Variants in MAP3K5 observed in about 807,000 individuals in gnomAD.
MAP3K5 encodes the protein ASK-1.
Under a neutral mutation model 158.7 loss-of-function variants are expected in MAP3K5, and 56 were observed. That is an observed-to-expected ratio of 0.35 (90% CI 0.28 to 0.44). The LOEUF (loss-of-function observed/expected upper bound fraction) is 0.44. Ranked by LOEUF, MAP3K5 falls within the 20% of genes least tolerant of loss-of-function variation. The pLI, the probability that MAP3K5 is intolerant of heterozygous loss-of-function variation, is 1.00. For missense variants in MAP3K5, 1,294 were observed against 1,674.8 expected (o/e 0.77, Z 3.97); for synonymous variants, 579 against 601.7 (o/e 0.96, Z 0.55).
chr6:136,571,966 C>T (rs1774389003), intron 25 of MAP3K5, among the ~76,000 whole-genome samples: 1 of 152,160 alleles, frequency 6.6e-6, no homozygotes, highest in South Asian at 2.1e-4. Flanking sequence ...ATCTCTTATT[C>T]CAAAATCCCA....
chr6:136,595,089 T>A (rs1463323760), intron 21 of MAP3K5, among the ~76,000 whole-genome samples: 3 of 152,234 alleles, frequency 2.0e-5, no homozygotes, highest in African/African-American at 7.2e-5. Flanking sequence ...GCATGTTCTA[T>A]GTGCAGAGCC....
intron 7 of MAP3K5, among the ~76,000 whole-genome samples, chr6:136,683,141 T>C (rs1780005368): frequency 6.6e-6 from 1 of 152,220 alleles, no homozygotes; most frequent in Non-Finnish European, 1.5e-5. Flanking sequence ...CTTTAACATA[T>C]GTTGTTTCAT....
Position 136,613,658 on chromosome 6 carries a change from C to G in MAP3K5, c.2279-402G>C, listed in dbSNP as rs983346986. 3.3e-5 allele frequency among the ~76,000 whole-genome samples: 5 copies of G among 152,006 alleles called. No homozygotes were observed. Among genetic ancestry groups the G allele is most frequent in the African/African-American group, 1.2e-4 (5 of 41,384 alleles). On this transcript the variant is annotated intron_variant, in intron 16 of 29. Transcript: ENST00000359015. The surrounding 1 kb of genome is among the most constrained non-coding windows in gnomAD (Gnocchi z 4.0). ...CATTCAGTTGTAACTTCTGATTCTGCGATTATAGGCTAAATCTCTTCCGCA... is the reference window on the plus strand; with the variant it reads ...CATTCAGTTGTAACTTCTGATTCTGGGATTATAGGCTAAATCTCTTCCGCA...
intron 10 of MAP3K5, among the ~76,000 whole-genome samples, chr6:136,653,499 T>C (rs562569968): frequency 6.6e-6 from 1 of 152,286 alleles, no homozygotes; most frequent in East Asian, 1.9e-4. Flanking sequence ...GCTAAGGACA[T>C]GACAAGGTGC....
intron 1 of MAP3K5, 144 bp downstream of exon 1, chr6:136,791,566 G>T: frequency 1.2e-6 from 1 of 831,596 alleles, no homozygotes; most frequent in Non-Finnish European, 2.0e-6. Flanking sequence ...CGAGCGACAG[G>T]AGCAGTCACG....
At chr6:136,616,289 T>C (rs1394175189) in intron 15 of MAP3K5, among the ~76,000 whole-genome samples, 3 of 150,200 alleles carry the variant, frequency 2.0e-5, no homozygotes, top group Admixed American at 6.7e-5. Context: ...TGTTGGTTCA[T>C]ACCTGCTCCT....
In MAP3K5 at chr6:136,769,628, C is replaced by A. The variant is rs1438755626; in HGVS notation, c.448+22082G>T. Among the ~76,000 whole-genome samples, 3 of 150,294 alleles carry A rather than the reference C, an allele frequency of 2.0e-5. No individual in the cohort carries two copies. In the East Asian group the frequency reaches 5.9e-4, roughly 29 times the overall value. On this transcript the variant is annotated intron_variant, in intron 1 of 29. Transcript: ENST00000359015. ...GAGAGGGAAGAGGGAAGCCCACCAG[C>A]ACTGAGTATTCAATGGGCAGGCTCC... is the stretch of plus-strand genomic sequence containing the variant.
chr6:136,721,870 T>A (rs1473860852), intron 1 of MAP3K5, among the ~76,000 whole-genome samples: 1 of 152,062 alleles, frequency 6.6e-6, no homozygotes, highest in Non-Finnish European at 1.5e-5. Flanking sequence ...AATAAAAATT[T>A]TAAATTAAAA....
At chr6:136,686,174 C>A (rs1373477528) in intron 7 of MAP3K5, among the ~76,000 whole-genome samples, 1 of 152,116 alleles carries the variant, frequency 6.6e-6, no homozygotes, top group Non-Finnish European at 1.5e-5. Context: ...TCTTACATTA[C>A]TAAATAAATC....
chr6:136,732,743 A>T (rs1348754135), intron 1 of MAP3K5, among the ~76,000 whole-genome samples: 2 of 152,314 alleles, frequency 1.3e-5, no homozygotes, highest in African/African-American at 4.8e-5. Context: ...GATAGTAACA[A>T]CGCTTACAAC....
At chr6:136,686,667 T>A (rs1780162415) in intron 7 of MAP3K5, among the ~76,000 whole-genome samples, 1 of 152,112 alleles carries the variant, frequency 6.6e-6, no homozygotes, top group Non-Finnish European at 1.5e-5. Flanking sequence ...TGAACTCCCA[T>A]TCACAATTGC....
intron 25 of MAP3K5, among the ~76,000 whole-genome samples, chr6:136,577,175 G>T (rs111366834): frequency 3.3e-5 from 5 of 152,094 alleles, no homozygotes; most frequent in African/African-American, 1.2e-4. Flanking sequence ...CATCTGAAAG[G>T]AATTTTTATC....
chr6:136,619,597 T>C (rs1168002029), intron 15 of MAP3K5, among the ~76,000 whole-genome samples: 1 of 152,092 alleles, frequency 6.6e-6, no homozygotes, highest in African/African-American at 2.4e-5. Context: ...GACACATCAT[T>C]ATCACTACAT....
At chr6:136,557,951 T>C (rs1830322157) in intron 29 of MAP3K5, 133 bp from the exon 30 acceptor site, 1 of 648,408 alleles carries the variant, frequency 1.5e-6, no homozygotes, top group South Asian at 1.8e-5. Context: ...AGTTATTATG[T>C]ATTCTTTTTG....
chr6:136,582,539 C>T (rs1034610254), intron 24 of MAP3K5, among the ~76,000 whole-genome samples: 1 of 152,104 alleles, frequency 6.6e-6, no homozygotes, highest in Non-Finnish European at 1.5e-5. Flanking sequence ...ATTTCTTATG[C>T]CCTCAATCAA....
chr6:136,631,476 G>T (rs1243467460), intron 14 of MAP3K5, among the ~76,000 whole-genome samples: 1 of 151,572 alleles, frequency 6.6e-6, no homozygotes, highest in African/African-American at 2.4e-5. Context: ...CCATCTTCCT[G>T]CAGATATTTG....
At chr6:136,716,779 T>C (rs1781548152) in intron 2 of MAP3K5, among the ~76,000 whole-genome samples, 1 of 152,202 alleles carries the variant, frequency 6.6e-6, no homozygotes, top group African/African-American at 2.4e-5. Context: ...ATTCTCTCAA[T>C]AAACATTAGT....
intron 14 of MAP3K5, among the ~76,000 whole-genome samples, chr6:136,627,782 T>C (rs1038934580): frequency 1.5e-4 from 23 of 152,192 alleles, no homozygotes; most frequent in Admixed American, 1.5e-3. Flanking sequence ...AGCATTTCTA[T>C]TGGGTATAAA....
At chr6:136,640,623 G>A (rs1228150221) in intron 12 of MAP3K5, among the ~76,000 whole-genome samples, 1 of 152,162 alleles carries the variant, frequency 6.6e-6, no homozygotes, top group Non-Finnish European at 1.5e-5. Context: ...ATTGTCATGA[G>A]TTGTTAAATG....
Sources: gnomAD v4.1 joint callset for allele counts (sites outside exome capture counted in the v4.1 genomes callset) on GRCh38, gnomAD v4.1.1 for gene constraint, Gnocchi (gnomAD v3.1) non-coding constraint, MANE v1.5 for transcripts, NCBI Gene and HGNC (gene_info 2026-07-23, HGNC 2026-07-21) for gene names.